PKDREJ: variants seen among roughly 807,000 people sequenced by gnomAD.
PKDREJ encodes PKD and REJ homolog.
For synonymous variants in PKDREJ, 1,031 were observed against 1,095.5 expected, an observed-to-expected ratio of 0.94 and a Z score of 1.16; for missense variants, 2,507 against 2,807.2, an observed-to-expected ratio of 0.89 and a Z score of 2.42.
Position 46,259,362 on chromosome 22 carries a change from T to G in PKDREJ, c.3961A>C (p.Ser1321Arg), listed in dbSNP as rs777653724. ...CATATGAACAGCCAAATGTGCCTGC[T>G]AAACAGATTTTCCACTTTGATTCTA... is the stretch of plus-strand genomic sequence containing the variant. ...LSRIKVENLF[S>R]RHIWLFICQK... Residue 1321 changes from serine (S) to arginine (R), a missense_variant, in exon 1 of 1, where the codon AGC (serine) becomes CGC (arginine). Transcript: ENST00000253255. The surrounding 1 kb of genome is among the most constrained non-coding windows in gnomAD (Gnocchi z 6.8). 2 of 1,614,224 alleles carry G rather than the reference T, an allele frequency of 1.2e-6. No homozygotes were observed. Among genetic ancestry groups the G allele is most frequent in the East Asian group, 4.5e-5 (2 of 44,890 alleles).
Position 46,258,253 on chromosome 22 carries a change from T to C in PKDREJ, c.5070A>G (p.Thr1690=). ...TTTTGAATATTCTGATTTCATCTTC[T>C]GTAAGGGGTTGGTACATCCTCGTGC... ...IRGTRMYQPL[T]EDEIRIFKRK... The change falls in exon 1 of 1, where the codon ACA becomes ACG. Residue 1690 remains threonine (T), a synonymous_variant. Coordinates refer to ENST00000253255, the MANE Select transcript of PKDREJ (RefSeq NM_006071.2). The surrounding 1 kb of genome is among the most constrained non-coding windows in gnomAD (Gnocchi z 6.1). 6.2e-7 allele frequency: 1 copy of C among 1,614,228 alleles called. No homozygotes were observed.
Position 46,261,163 on chromosome 22 carries a change from C to T in PKDREJ, c.2160G>A (p.Met720Ile). 6.2e-7 allele frequency: 1 copy of T among 1,614,096 alleles called. No homozygotes were observed. The highest frequency in any genetic ancestry group is 1.1e-5 in the South Asian group (1 of 91,076). ...LYIVASVLNN[M>I]KTELPLRDDR... is the part of the protein sequence containing the mutation. ...CATCTCGGAGAGGTAATTCAGTTTT[C>T]ATGTTATTCAAAACGGAAGCTACTA... The change falls in exon 1 of 1, where the codon ATG (methionine) becomes ATA (isoleucine). Residue 720 changes from methionine to isoleucine, a missense_variant. By Grantham distance (10) the Met-to-Ile change is conservative. Coordinates refer to ENST00000253255, the MANE Select transcript of PKDREJ (RefSeq NM_006071.2). This position sits in a 1 kb window ranked among gnomAD's most constrained non-coding sequence, Gnocchi z 7.1.
chr22:46,255,813 C>A lies in PKDREJ; in HGVS notation c.*748G>T, dbSNP rs542024482. 6.6e-6 allele frequency: 1 copy of A among 152,202 alleles called. No individual in the cohort carries two copies. Among genetic ancestry groups the A allele is most frequent in the Non-Finnish European group, 1.5e-5 (1 of 68,044 alleles). 9.4% of individuals were successfully genotyped at this position (152,202 alleles called of 1,614,324 possible). ...TTCCTTATTCCTGAATAGTCCAGCA[C>A]GCTATTAATAACCAAATGCCCAAAT... On this transcript the variant is annotated 3_prime_UTR_variant, in exon 1 of 1. Transcript: ENST00000253255.
rs1936722557 is a variant in PKDREJ at position 46,263,327 on chromosome 22, C to G, written c.-5G>C. 2.2e-6 allele frequency: 3 copies of G among 1,394,482 alleles called. No homozygotes were observed. The highest frequency in any genetic ancestry group is 2.6e-4 in the Middle Eastern group (1 of 3,852). The allele number at this position is 1,394,482 out of a possible 1,614,324, so 86.4% of individuals were successfully genotyped here. On this transcript the variant is annotated 5_prime_UTR_variant, in exon 1 of 1. Transcript: ENST00000253255. This position sits in a 1 kb window ranked among gnomAD's most constrained non-coding sequence, Gnocchi z 9.4. ...GAGAGCGGGCCCAGGCCTCATGGCG[C>G]CGGCCCAGGAGAAGCTGGGAGAGGC... is the stretch of plus-strand genomic sequence containing the variant.
In PKDREJ at chr22:46,259,377, C is replaced by G; in HGVS notation, c.3946G>C (p.Val1316Leu). Reference sequence around the variant, plus strand: ...ATGTGCCTGCTAAACAGATTTTCCACTTTGATTCTACTTAAATACCAGCTA... The same window carrying G: ...ATGTGCCTGCTAAACAGATTTTCCAGTTTGATTCTACTTAAATACCAGCTA... Reference protein sequence around the residue: ...SPSWYLSRIKVENLFSRHIWL... With the variant: ...SPSWYLSRIKLENLFSRHIWL... Residue 1316 changes from valine to leucine, a missense_variant, in exon 1 of 1, where the codon GTG (valine) becomes CTG (leucine). Transcript: ENST00000253255. This position sits in a 1 kb window ranked among gnomAD's most constrained non-coding sequence, Gnocchi z 6.8. 1 of 1,614,098 alleles carries G rather than the reference C, an allele frequency of 6.2e-7. No homozygotes were observed. The highest frequency in any genetic ancestry group is 2.2e-5 in the East Asian group (1 of 44,900).
chr22:46,261,157 A>G lies in PKDREJ; in HGVS notation c.2166T>C (p.Thr722=), dbSNP rs768741818. 2 of 1,614,166 alleles carry G rather than the reference A, an allele frequency of 1.2e-6. No homozygotes were observed. Among genetic ancestry groups the G allele is most frequent in the African/African-American group, 1.3e-5 (1 of 75,052 alleles). Residue 722 remains threonine, a synonymous_variant, in exon 1 of 1, where the codon ACT becomes ACC. Transcript: ENST00000253255. This position sits in a 1 kb window ranked among gnomAD's most constrained non-coding sequence, Gnocchi z 7.1. ...IVASVLNNMK[T]ELPLRDDRVN... is the part of the protein sequence containing the mutation. ...CTCTGTCATCTCGGAGAGGTAATTC[A>G]GTTTTCATGTTATTCAAAACGGAAG...
Position 46,262,420 on chromosome 22 carries a change from T to TC in PKDREJ, c.902dup (p.Val302SerfsTer5), listed in dbSNP as rs750715818. ...ACACCGTGAAATTAAACACATACACTCCCCACTGTAACGAATTATTGGGGA... is the reference window on the plus strand; with the variant it reads ...ACACCGTGAAATTAAACACATACACTCCCCCACTGTAACGAATTATTGGGGA... On this transcript the variant is annotated frameshift_variant, in exon 1 of 1. Coordinates refer to ENST00000253255, the MANE Select transcript of PKDREJ (RefSeq NM_006071.2). LOFTEE classifies it low-confidence loss of function (END_TRUNC). The surrounding 1 kb of genome is among the most constrained non-coding windows in gnomAD (Gnocchi z 8.1). 1.7e-4 allele frequency: 272 copies of TC among 1,612,202 alleles called. No homozygotes were observed. Among genetic ancestry groups the TC allele is most frequent in the Non-Finnish European group, 2.2e-4 (256 of 1,178,966 alleles).
Position 46,258,461 on chromosome 22 carries a change from G to A in PKDREJ, c.4862C>T (p.Ser1621Leu). ...TTTAGATGGCTGCACCAGAAGAACT[G>A]ACTGACAGAATGAACAAAAAGATGC... ...LFASFCSFCQSVLLVQPSKII... is the reference protein window; with the variant it reads ...LFASFCSFCQLVLLVQPSKII... The change falls in exon 1 of 1, where the codon TCA becomes TTA. Residue 1621 changes from serine (S) to leucine (L), a missense_variant. Ser to Leu is a moderately radical substitution (Grantham distance 145). Transcript: ENST00000253255. The surrounding 1 kb of genome is among the most constrained non-coding windows in gnomAD (Gnocchi z 6.1). The A allele has an allele frequency of 2.5e-6, 4 of 1,614,150 alleles. No individual in the cohort carries two copies. Among genetic ancestry groups the A allele is most frequent in the Non-Finnish European group, 3.4e-6 (4 of 1,180,020 alleles).
At position 46,263,085 on chromosome 22, in the gene PKDREJ, G is replaced by C; in HGVS notation, c.238C>G (p.Pro80Ala). ...CAGCGCCGCCCGGTCCCGCCATGGGGGAAGCAGAGGCTGCCGCGGCCGCTC... is the reference window on the plus strand; with the variant it reads ...CAGCGCCGCCCGGTCCCGCCATGGGCGAAGCAGAGGCTGCCGCGGCCGCTC... Reference protein sequence around the residue: ...VLSGRGSLCFPHGGTGRRWYC... With the variant: ...VLSGRGSLCFAHGGTGRRWYC... Residue 80 changes from proline to alanine, a missense_variant, in exon 1 of 1, where the codon CCC becomes GCC. Transcript: ENST00000253255. This position sits in a 1 kb window ranked among gnomAD's most constrained non-coding sequence, Gnocchi z 9.4. 7.6e-7 allele frequency: 1 copy of C among 1,319,268 alleles called. No homozygotes were observed. 81.7% of individuals were successfully genotyped at this position (1,319,268 alleles called of 1,614,324 possible).
Position 46,258,173 on chromosome 22 carries a change from T to G in PKDREJ, c.5150A>C (p.His1717Pro). The change falls in exon 1 of 1, where the codon CAC becomes CCC. Residue 1717 changes from histidine to proline, a missense_variant. Coordinates refer to ENST00000253255, the MANE Select transcript of PKDREJ (RefSeq NM_006071.2). The surrounding 1 kb of genome is among the most constrained non-coding windows in gnomAD (Gnocchi z 6.1). ...ALLFLSYILT[H>P]FIFLALLLIL... ...CAACAGAAGGGCTAGAAAGATAAAG[T>G]GAGTTAGAATGTAACTCAGAAACAG... 1 of 1,614,218 alleles carries G rather than the reference T, an allele frequency of 6.2e-7. No homozygotes were observed. The highest frequency in any genetic ancestry group is 8.5e-7 in the Non-Finnish European group (1 of 1,180,020).
At position 46,261,149 on chromosome 22, in the gene PKDREJ, G is replaced by A. The variant is rs997031816; in HGVS notation, c.2174C>T (p.Pro725Leu). The A allele has an allele frequency of 9.9e-6, 16 of 1,613,922 alleles. No homozygotes were observed. In the Admixed American group the frequency reaches 1.3e-4, roughly 13 times the overall value. The change falls in exon 1 of 1, where the codon CCT becomes CTT. Residue 725 changes from proline to leucine, a missense_variant. Transcript: ENST00000253255. The surrounding 1 kb of genome is among the most constrained non-coding windows in gnomAD (Gnocchi z 7.1). ...GAGATTGACTCTGTCATCTCGGAGAGGTAATTCAGTTTTCATGTTATTCAA... is the reference window on the plus strand; with the variant it reads ...GAGATTGACTCTGTCATCTCGGAGAAGTAATTCAGTTTTCATGTTATTCAA... ...SVLNNMKTEL[P>L]LRDDRVNLRK...
Position 46,257,788 on chromosome 22 carries a change from A to C in PKDREJ, c.5535T>G (p.Asp1845Glu), listed in dbSNP as rs201464325. ...KNYSGFWNEV[D>E]KQAIDESTNG... ...TGGTACTCTCATCTATAGCCTGCTTATCAACTTCATTCCAAAAGCCAGAAT... is the reference window on the plus strand; with the variant it reads ...TGGTACTCTCATCTATAGCCTGCTTCTCAACTTCATTCCAAAAGCCAGAAT... The change falls in exon 1 of 1, where the codon GAT becomes GAG. Residue 1845 changes from aspartate (D) to glutamate (E), a missense_variant. Coordinates refer to ENST00000253255, the MANE Select transcript of PKDREJ (RefSeq NM_006071.2). The surrounding 1 kb of genome is among the most constrained non-coding windows in gnomAD (Gnocchi z 4.7). The C allele has an allele frequency of 6.2e-7, 1 of 1,614,186 alleles. No individual in the cohort carries two copies. Among genetic ancestry groups the C allele is most frequent in the Non-Finnish European group, 8.5e-7 (1 of 1,180,028 alleles).
Position 46,259,008 on chromosome 22 carries a change from G to T in PKDREJ, c.4315C>A (p.Pro1439Thr). ...AAAAAAGTTATTAATAATTGCACAG[G>T]GATTGTAATTAAGACACTTTCAATT... ...IGIESVLITIPVQLLITFLFT... is the reference protein window; with the variant it reads ...IGIESVLITITVQLLITFLFT... Residue 1439 changes from proline (P) to threonine (T), a missense_variant, in exon 1 of 1, where the codon CCT (proline) becomes ACT (threonine). Coordinates refer to ENST00000253255, the MANE Select transcript of PKDREJ (RefSeq NM_006071.2). The surrounding 1 kb of genome is among the most constrained non-coding windows in gnomAD (Gnocchi z 6.8). 1 of 1,613,762 alleles carries T rather than the reference G, an allele frequency of 6.2e-7. No individual in the cohort carries two copies. The highest frequency in any genetic ancestry group is 8.5e-7 in the Non-Finnish European group (1 of 1,179,796).
At position 46,261,075 on chromosome 22, in the gene PKDREJ, C is replaced by T. The variant is rs771872543; in HGVS notation, c.2248G>A (p.Val750Ile). ...GTCATGACTACCTGGCCAATTTCTA[C>T]CAAAGTGCTTACAGGAAGAAGGAAA... ...QSFLLPVSTL[V>I]EIGQVVMTIT... is the part of the protein sequence containing the mutation. The change falls in exon 1 of 1, where the codon GTA becomes ATA. Residue 750 changes from valine (V) to isoleucine (I), a missense_variant. Transcript: ENST00000253255. The surrounding 1 kb of genome is among the most constrained non-coding windows in gnomAD (Gnocchi z 7.1). 1.2e-6 allele frequency: 2 copies of T among 1,614,142 alleles called. No homozygotes were observed. Among genetic ancestry groups the T allele is most frequent in the South Asian group, 1.1e-5 (1 of 91,084 alleles).
In PKDREJ at chr22:46,259,299, T is replaced by C; in HGVS notation, c.4024A>G (p.Thr1342Ala). The C allele has an allele frequency of 1.9e-6, 3 of 1,614,164 alleles. No homozygotes were observed. The highest frequency in any genetic ancestry group is 2.5e-6 in the Non-Finnish European group (3 of 1,180,024). The change falls in exon 1 of 1, where the codon ACA (threonine) becomes GCA (alanine). Residue 1342 changes from threonine to alanine, a missense_variant. Thr to Ala is a moderately conservative substitution (Grantham distance 58, BLOSUM62 0). Transcript: ENST00000253255. The surrounding 1 kb of genome is among the most constrained non-coding windows in gnomAD (Gnocchi z 6.8). ...TCATCTGGATGGGTAACGTGAAATG[T>C]TCTGTCCAAAGTGGTATCAACAGAA... Reference protein sequence around the residue: ...WLSVDTTLDRTFHVTHPDERL... With the variant: ...WLSVDTTLDRAFHVTHPDERL...
chr22:46,261,648 G>T lies in PKDREJ; in HGVS notation c.1675C>A (p.His559Asn). 1 of 1,613,930 alleles carries T rather than the reference G, an allele frequency of 6.2e-7. No individual in the cohort carries two copies. Among genetic ancestry groups the T allele is most frequent in the South Asian group, 1.1e-5 (1 of 91,066 alleles). Reference protein sequence around the residue: ...SVFRHSFIINHGPQIGECKIN... With the variant: ...SVFRHSFIINNGPQIGECKIN... ...TTGCATTCTCCGATCTGAGGGCCAT[G>T]GTTAATAATAAAAGAATGCCTGAAG... Residue 559 changes from histidine (H) to asparagine (N), a missense_variant, in exon 1 of 1, where the codon CAT becomes AAT. Physicochemically the swap from His to Asn is moderately conservative, Grantham distance 68 (BLOSUM62 1). Transcript: ENST00000253255. This position sits in a 1 kb window ranked among gnomAD's most constrained non-coding sequence, Gnocchi z 7.1.
rs990464141 is a variant in PKDREJ, at chr22:46,262,792, G to A, written c.531C>T (p.Phe177=). Residue 177 remains phenylalanine, a synonymous_variant, in exon 1 of 1, where the codon TTC becomes TTT. Coordinates refer to ENST00000253255, the MANE Select transcript of PKDREJ (RefSeq NM_006071.2). The surrounding 1 kb of genome is among the most constrained non-coding windows in gnomAD (Gnocchi z 8.1). ...CTGTGGGGCACTCGGTGCGGGCCAC[G>A]AAGCCCTGCTGGGGCCGCGGGCCTG... The part of the protein sequence containing the change: ...AAPGPRPQQG[F]VARTECPTDG... 3 of 1,457,388 alleles carry A rather than the reference G, an allele frequency of 2.1e-6. No individual in the cohort carries two copies. In the African/African-American group the frequency reaches 4.4e-5, roughly 21 times the overall value. 90.3% of individuals were successfully genotyped at this position (1,457,388 alleles called of 1,614,324 possible).
chr22:46,262,036 A>T lies in PKDREJ; in HGVS notation c.1287T>A (p.Tyr429Ter). 1 of 1,614,126 alleles carries T rather than the reference A, an allele frequency of 6.2e-7. No individual in the cohort carries two copies. The highest frequency in any genetic ancestry group is 2.2e-5 in the East Asian group (1 of 44,892). ...LPETLKGDHV[Y>*]FFRMVIRKDS... ...CCTTCCGAATCACCATTCTGAAGAA[A>T]TACACGTGGTCGCCTTTAAGTGTTT... Residue 429 changes from tyrosine to a stop codon, truncating the protein, a stop_gained, in exon 1 of 1, where the codon TAT (tyrosine) becomes TAA (stop). Coordinates refer to ENST00000253255, the MANE Select transcript of PKDREJ (RefSeq NM_006071.2). LOFTEE classifies it low-confidence loss of function (END_TRUNC). The surrounding 1 kb of genome is among the most constrained non-coding windows in gnomAD (Gnocchi z 8.1).
At position 46,258,249 on chromosome 22, in the gene PKDREJ, C is replaced by T. The variant is rs752153521; in HGVS notation, c.5074G>A (p.Asp1692Asn). The change falls in exon 1 of 1, where the codon GAT (aspartate) becomes AAT (asparagine). Residue 1692 changes from aspartate to asparagine, a missense_variant. Physicochemically the swap from Asp to Asn is conservative, Grantham distance 23. Coordinates refer to ENST00000253255, the MANE Select transcript of PKDREJ (RefSeq NM_006071.2). The surrounding 1 kb of genome is among the most constrained non-coding windows in gnomAD (Gnocchi z 6.1). ...GTRMYQPLTE[D>N]EIRIFKRKKR... ...TTTCTTTTGAATATTCTGATTTCAT[C>T]TTCTGTAAGGGGTTGGTACATCCTC... is the stretch of plus-strand genomic sequence containing the variant. 1 of 1,614,156 alleles carries T rather than the reference C, an allele frequency of 6.2e-7. No individual in the cohort carries two copies. Among genetic ancestry groups the T allele is most frequent in the Non-Finnish European group, 8.5e-7 (1 of 1,180,008 alleles).
Sources: allele counts gnomAD v4.1 joint callset, GRCh38; gene constraint gnomAD v4.1.1; non-coding constraint Gnocchi (gnomAD v3.1); transcripts MANE v1.5; gene names NCBI Gene and HGNC (gene_info 2026-07-23, HGNC 2026-07-21).